Variants in ADGB observed in about 807,000 individuals in gnomAD.
The protein encoded by ADGB is calpain-7-like protein.
In ADGB, 172 loss-of-function variants were observed where a neutral mutation model predicts 210.5. The ratio of observed to expected loss-of-function variants is 0.82; its 90% CI spans 0.72 to 0.93. The LOEUF (loss-of-function observed/expected upper bound fraction) is 0.93, where lower values mean the gene tolerates loss of function less well. ADGB is among the 40% of genes least tolerant of loss of function. The pLI, the probability that ADGB is intolerant of heterozygous loss-of-function variation, is 0.00. For synonymous variants in ADGB, 658 were observed against 662.7 expected (o/e 0.99, Z 0.11); for missense variants, 2,025 against 1,964.8 (o/e 1.03, Z -0.58).
intron 30 of ADGB, among the ~76,000 whole-genome samples, chr6:146,783,031 T>A (rs1474891633): frequency 6.6e-6 from 1 of 152,094 alleles, no homozygotes; most frequent in Non-Finnish European, 1.5e-5. Context: ...GGTGTGGACT[T>A]AAAGGAGAAA....
intron 9 of ADGB, among the ~76,000 whole-genome samples, 173 bp from the exon 10 acceptor site, chr6:146,685,561 A>G (rs1776219893): frequency 6.6e-6 from 1 of 152,206 alleles, no homozygotes; most frequent in South Asian, 2.1e-4. Flanking sequence ...GACAGGCTAC[A>G]AAATAGATAC....
intron 13 of ADGB, among the ~76,000 whole-genome samples, chr6:146,706,895 T>C (rs1373989398): frequency 1.3e-5 from 2 of 151,468 alleles, no homozygotes; most frequent in Non-Finnish European, 2.9e-5. Context: ...CTGAGATTTA[T>C]TATTTCCTTT....
chr6:146,727,933 G>T (rs76835751), intron 19 of ADGB, among the ~76,000 whole-genome samples: 1 of 152,140 alleles, frequency 6.6e-6, no homozygotes, highest in African/African-American at 2.4e-5. Flanking sequence ...GGAGAGAATC[G>T]GGAATCATGA....
chr6:146,616,400 T>G (rs866883296), intron 1 of ADGB, among the ~76,000 whole-genome samples: 26 of 152,226 alleles, frequency 1.7e-4, no homozygotes, highest in African/African-American at 6.3e-4. Context: ...AATGTTTTCT[T>G]GTACTGTGCA....
At chr6:146,767,851 G>C (rs1385740042) in intron 28 of ADGB, among the ~76,000 whole-genome samples, 1 of 152,170 alleles carries the variant, frequency 6.6e-6, no homozygotes, top group African/African-American at 2.4e-5. Context: ...CTTCAACCCA[G>C]ACAGCTCTAG....
chr6:146,733,748 C>T, intron 21 of ADGB, 145 bp from the exon 22 acceptor site: 4 of 887,962 alleles, frequency 4.5e-6, no homozygotes, highest in Non-Finnish European at 7.0e-6. Context: ...ACAAGAACCA[C>T]CTAGAGCCGG....
intron 27 of ADGB, among the ~76,000 whole-genome samples, chr6:146,758,022 G>A (rs899108435): frequency 6.6e-6 from 1 of 151,994 alleles, no homozygotes; most frequent in East Asian, 1.9e-4. Flanking sequence ...GTTGAGCTTG[G>A]GCAAAGCTGT....
At chr6:146,734,117 CCA>C in intron 22 of ADGB, 87 bp downstream of exon 22, 8 of 1,289,004 alleles carry the variant, frequency 6.2e-6, no homozygotes, top group Non-Finnish European at 8.5e-6. Context: ...TTGGAGTCCC[CCA>C]CTTTATGGCT....
At chr6:146,729,123 C>T (rs1447412818) in intron 20 of ADGB, among the ~76,000 whole-genome samples, 3 of 152,138 alleles carry the variant, frequency 2.0e-5, no homozygotes, top group Non-Finnish European at 4.4e-5. Flanking sequence ...ACACTTACAA[C>T]GTGTGCCTCT....
intron 12 of ADGB, among the ~76,000 whole-genome samples, chr6:146,695,679 T>C (rs926289198): frequency 3.9e-5 from 6 of 151,980 alleles, no homozygotes; most frequent in African/African-American, 1.4e-4. Flanking sequence ...AGTAGTCAAA[T>C]GTTCTAAGTG....
intron 29 of ADGB, among the ~76,000 whole-genome samples, chr6:146,776,557 C>G (rs1403995961): frequency 2.6e-5 from 4 of 152,028 alleles, no homozygotes; most frequent in Non-Finnish European, 4.4e-5. Flanking sequence ...TGGCACATAC[C>G]TGCCGTGTGC....
intron 5 of ADGB, among the ~76,000 whole-genome samples, chr6:146,661,379 CCTGA>C (rs1325061062): frequency 1.3e-5 from 2 of 151,782 alleles, no homozygotes; most frequent in South Asian, 2.1e-4. Context: ...CATCATCACG[CCTGA>C]CTAATTTTAT....
intron 12 of ADGB, among the ~76,000 whole-genome samples, chr6:146,693,290 CCTT>C (rs1776357341): frequency 6.6e-6 from 1 of 151,982 alleles, no homozygotes. Flanking sequence ...GGATTAGTGA[CCTT>C]CTGAGGAGAG....
In ADGB at chr6:146,779,264, C is replaced by T. The variant is rs146988916; in HGVS notation, c.3863-2756C>T. On this transcript the variant is annotated intron_variant, in intron 29 of 35. Transcript: ENST00000397944. ...AGAGCTTTCTCCACAAAATGGTAGT[C>T]TGAGATTATGCAGTCTGAGGATATA... 2.6e-5 allele frequency among the ~76,000 whole-genome samples: 4 copies of T among 152,248 alleles called. No individual in the cohort carries two copies. In the East Asian group the frequency reaches 7.7e-4, roughly 29 times the overall value.
chr6:146,807,997 T>C (rs1778238295), intron 35 of ADGB, among the ~76,000 whole-genome samples: 1 of 144,964 alleles, frequency 6.9e-6, no homozygotes. Flanking sequence ...CTTCAGTTTT[T>C]TTTTTTTTTT....
intron 18 of ADGB, 48 bp from the exon 19 acceptor site, chr6:146,726,035 C>A: frequency 7.9e-7 from 1 of 1,269,144 alleles, no homozygotes; most frequent in Non-Finnish European, 1.1e-6. Flanking sequence ...GGTCAAATGC[C>A]ACCACCCAGG....
At chr6:146,744,406 C>T (rs1056606879) in intron 25 of ADGB, among the ~76,000 whole-genome samples, 17 of 152,306 alleles carry the variant, frequency 1.1e-4, no homozygotes, top group African/African-American at 3.6e-4. Flanking sequence ...AATTCATAAA[C>T]ACCATGTATG....
At chr6:146,726,291 G>T in intron 19 of ADGB, 94 bp downstream of exon 19, 1 of 780,280 alleles carries the variant, frequency 1.3e-6, no homozygotes, top group Non-Finnish European at 2.0e-6. Context: ...GCATGATCTT[G>T]GCTCACTGCA....
chr6:146,710,266 A>G (rs930370227), intron 13 of ADGB, among the ~76,000 whole-genome samples: 3 of 93,818 alleles, frequency 3.2e-5, no homozygotes, highest in Admixed American at 2.8e-4. Flanking sequence ...TTACTTTTAT[A>G]AAATCCAATT....
Sources: allele counts gnomAD v4.1 joint callset (sites outside exome capture counted in the v4.1 genomes callset), GRCh38; gene constraint gnomAD v4.1.1; transcripts MANE v1.5; gene names NCBI Gene and HGNC (gene_info 2026-07-23, HGNC 2026-07-21).